GSTA3: variants seen among roughly 807,000 people sequenced by gnomAD.
GSTA3 encodes the protein glutathione S-transferase alpha 3, also known as glutathione S-transferase A3.
A neutral mutation model predicts 23.1 loss-of-function variants in GSTA3; 16 were observed. The ratio of observed to expected loss-of-function variants is 0.69; its 90% CI spans 0.47 to 1.05. The LOEUF is 1.05. GSTA3 is among the 50% of genes least tolerant of loss of function. The pLI is 0.00. For missense variants in GSTA3, 319 were observed against 263.6 expected (o/e 1.21, Z -1.46); for synonymous variants, 122 against 91.0 (o/e 1.34, Z -1.94).
intron 2 of GSTA3, among the ~76,000 whole-genome samples, chr6:52,905,406 A>G (rs1765857231): frequency 6.6e-6 from 1 of 152,204 alleles, no homozygotes; most frequent in East Asian, 1.9e-4. Flanking sequence ...AATATTATCT[A>G]ACATTCAATC....
chr6:52,907,871 G>T (rs1765945749), intron 1 of GSTA3, among the ~76,000 whole-genome samples: 1 of 151,546 alleles, frequency 6.6e-6, no homozygotes, highest in Admixed American at 6.6e-5. Flanking sequence ...TATACCTAGT[G>T]CTGGATGATG....
chr6:52,906,330 T>C (rs928743847), intron 1 of GSTA3, among the ~76,000 whole-genome samples: 1 of 152,222 alleles, frequency 6.6e-6, no homozygotes. Context: ...TGTCAAAGTC[T>C]GGATTAGAAC....
At chr6:52,905,612 A>C in intron 2 of GSTA3, 136 bp downstream of exon 2, 1 of 516,578 alleles carries the variant, frequency 1.9e-6, no homozygotes, top group Non-Finnish European at 3.5e-6. Context: ...TGTCCATTTT[A>C]AAAAAATAAC....
At chr6:52,897,369 G>C (rs1370851994) in intron 6 of GSTA3, among the ~76,000 whole-genome samples, 1 of 152,270 alleles carries the variant, frequency 6.6e-6, no homozygotes, top group East Asian at 1.9e-4. Flanking sequence ...GTTGGGGGCA[G>C]TGTGTTGGGT....
chr6:52,896,786 T>C lies in GSTA3; in HGVS notation c.*20A>G. 1.2e-6 allele frequency: 2 copies of C among 1,613,598 alleles called. No homozygotes were observed. The highest frequency in any genetic ancestry group is 1.1e-5 in the South Asian group (1 of 91,052). Reference sequence around the variant, plus strand: ...TTAGAATATTGGTCTTGCATGTTCTTAGCCTCCATGGCTGCTTTATTAAAA... The same window carrying C: ...TTAGAATATTGGTCTTGCATGTTCTCAGCCTCCATGGCTGCTTTATTAAAA... On this transcript the variant is annotated 3_prime_UTR_variant, in exon 7 of 7. Coordinates refer to ENST00000211122, the MANE Select transcript of GSTA3 (RefSeq NM_000847.5).
rs1478335900 is a variant in GSTA3, at chr6:52,903,700, C to T, written c.115G>A (p.Glu39Lys). 10 of 1,592,952 alleles carry T rather than the reference C, an allele frequency of 6.3e-6. No individual in the cohort carries two copies. Among genetic ancestry groups the T allele is most frequent in the Non-Finnish European group, 8.6e-6 (10 of 1,161,362 alleles). The change falls in exon 3 of 7, where the codon GAA (glutamate) becomes AAA (lysine). Residue 39 changes from glutamate to lysine, a missense_variant. Transcript: ENST00000211122. ...CCATTTCTTAACTTTCCCAAATCTT[C>T]TGCAGATCCTATAAATTTCTCTTCA... ...EFEEKFIGSAEDLGKLRNDGS... is the reference protein window; with the variant it reads ...EFEEKFIGSAKDLGKLRNDGS...
At chr6:52,897,070 C>A (rs1227311206) in intron 6 of GSTA3, 142 bp from the exon 7 acceptor site, 7 of 1,187,850 alleles carry the variant, frequency 5.9e-6, no homozygotes, top group African/African-American at 1.5e-5. Flanking sequence ...AACAGACACC[C>A]AGTGATAAAT....
chr6:52,905,963 T>G (rs937362034), intron 1 of GSTA3, 108 bp from the exon 2 acceptor site: 4 of 523,514 alleles, frequency 7.6e-6, no homozygotes, highest in Non-Finnish European at 1.3e-5. Flanking sequence ...TCCTTCCTCA[T>G]AGCAGGATTG....
At chr6:52,898,006 G>T (rs748819736) in intron 5 of GSTA3, 50 bp from the exon 6 acceptor site, 2 of 1,607,312 alleles carry the variant, frequency 1.2e-6, no homozygotes, top group Non-Finnish European at 1.7e-6. Flanking sequence ...CCCAGGATGG[G>T]ACCCCTGCTT....
chr6:52,902,561 T>C, intron 3 of GSTA3, 83 bp from the exon 4 acceptor site: 1 of 1,357,972 alleles, frequency 7.4e-7, no homozygotes, highest in African/African-American at 1.5e-5. Context: ...TTGAAATGAC[T>C]GAGGTTATAA....
In GSTA3 at chr6:52,896,663, GT is replaced by G; in HGVS notation, c.*142del. On this transcript the variant is annotated 3_prime_UTR_variant, in exon 7 of 7. Transcript: ENST00000211122. The stretch of plus-strand genomic sequence containing the variant: ...ATTTTAACTAAGTTAGCAAATAGGA[GT>G]TTTTATTATTTAATTAGCATATAAT... The G allele has an allele frequency of 1.7e-5, 16 of 927,134 alleles. No homozygotes were observed. The highest frequency in any genetic ancestry group is 2.3e-5 in the Non-Finnish European group (15 of 639,452). 57.4% of individuals were successfully genotyped at this position (927,134 alleles called of 1,614,324 possible).
rs2127363411 is a variant in GSTA3, at chr6:52,905,826, C to T, written c.9G>A (p.Gly3=). 1.3e-6 allele frequency: 2 copies of T among 1,597,406 alleles called. No homozygotes were observed. The highest frequency in any genetic ancestry group is 1.7e-6 in the Non-Finnish European group (2 of 1,167,558). MA[G]KPKLHYFNGR... ...CATTGAAGTAGTGAAGCTTGGGCTT[C>T]CCTGCCATGGTAACAGTCTCTTGGT... Residue 3 remains glycine, a synonymous_variant, in exon 2 of 7, where the codon GGG becomes GGA. Transcript: ENST00000211122.
At chr6:52,900,475 C>T (rs550736463) in intron 4 of GSTA3, among the ~76,000 whole-genome samples, 1 of 152,200 alleles carries the variant, frequency 6.6e-6, no homozygotes, top group Middle Eastern at 3.4e-3. Flanking sequence ...GTTGGCCAGG[C>T]TGGTCTCAAA....
At chr6:52,905,901 A>G in intron 1 of GSTA3, 46 bp from the exon 2 acceptor site, 1 of 943,370 alleles carries the variant, frequency 1.1e-6, no homozygotes, top group Non-Finnish European at 1.7e-6. Context: ...GAATGAGTCT[A>G]GAGAAGCAAA....
chr6:52,907,782 C>G, intron 1 of GSTA3, among the ~76,000 whole-genome samples: 1 of 131,958 alleles, frequency 7.6e-6, no homozygotes, highest in East Asian at 2.2e-4. Context: ...AATGAGAACA[C>G]TTGGACACAG....
At chr6:52,907,724 C>CA (rs1205416738) in intron 1 of GSTA3, among the ~76,000 whole-genome samples, 1 of 149,086 alleles carries the variant, frequency 6.7e-6, no homozygotes, top group Admixed American at 6.8e-5. Flanking sequence ...ATCGCAAGGA[C>CA]AAAAAAACCA....
Position 52,896,828 on chromosome 6 carries a change from G to A in GSTA3, c.647C>T (p.Ala216Val), listed in dbSNP as rs771320777. The A allele has an allele frequency of 1.9e-6, 3 of 1,613,978 alleles. No homozygotes were observed. The highest frequency in any genetic ancestry group is 2.5e-6 in the Non-Finnish European group (3 of 1,179,926). The stretch of plus-strand genomic sequence containing the variant: ...TTATTAAAACCTGAAAATCTTTCTG[G>A]CTTCTTCTAAAGCTTTTGCATCTGC... ...PPADAKALEEARKIFRF is the reference protein window; with the variant it reads ...PPADAKALEEVRKIFRF The change falls in exon 7 of 7, where the codon GCC becomes GTC. Residue 216 changes from alanine to valine, a missense_variant. Transcript: ENST00000211122.
chr6:52,900,152 A>C, intron 4 of GSTA3, 77 bp from the exon 5 acceptor site: 1 of 1,275,766 alleles, frequency 7.8e-7, no homozygotes, highest in Admixed American at 2.2e-5. Context: ...CTAAGAGAAT[A>C]GAGGGTCAGA....
chr6:52,905,665 T>C (rs1765866273), intron 2 of GSTA3, 83 bp downstream of exon 2: 1 of 750,366 alleles, frequency 1.3e-6, no homozygotes, highest in Middle Eastern at 2.4e-4. Flanking sequence ...ACAGGTCATC[T>C]AGTATGGAAG....
Sources: gnomAD v4.1 joint callset for allele counts (sites outside exome capture counted in the v4.1 genomes callset) on GRCh38, gnomAD v4.1.1 for gene constraint, MANE v1.5 for transcripts, NCBI Gene and HGNC (gene_info 2026-07-23, HGNC 2026-07-21) for gene names.